The following SDHD variants were observed in gnomAD, a reference collection of about 807,000 sequenced individuals.
The protein encoded by SDHD is succinate dehydrogenase [ubiquinone] cytochrome b small subunit, mitochondrial.
A neutral mutation model predicts 18.7 loss-of-function variants in SDHD; 6 were observed. That is an observed-to-expected ratio of 0.32 (90% CI 0.18 to 0.63). The LOEUF (loss-of-function observed/expected upper bound fraction) is 0.63. Ranked by LOEUF, SDHD falls within the 30% of genes least tolerant of loss-of-function variation. SDHD has a pLI of 0.79. For missense variants in SDHD, 160 were observed against 192.7 expected, an observed-to-expected ratio of 0.83 and a Z score of 1.00; for synonymous variants, 56 against 73.9, an observed-to-expected ratio of 0.76 and a Z score of 1.24.
At chr11:112,087,020 A>C in intron 1 of SDHD, 61 bp downstream of exon 1, 1 of 1,577,536 alleles carries the variant, frequency 6.3e-7, no homozygotes, top group South Asian at 1.1e-5. Context: ...AGGGGATGGA[A>C]GTGAGGACTC....
intron 3 of SDHD, among the ~76,000 whole-genome samples, chr11:112,092,015 C>T (rs1230364635): frequency 1.3e-5 from 2 of 152,156 alleles, no homozygotes; most frequent in African/African-American, 4.8e-5. Flanking sequence ...TTGTAGTGAG[C>T]CAAGATCGTG....
intron 3 of SDHD, among the ~76,000 whole-genome samples, chr11:112,092,134 C>T (rs1836909654): frequency 1.3e-5 from 2 of 152,146 alleles, no homozygotes; most frequent in South Asian, 4.2e-4. Context: ...ATACCTAATG[C>T]ACGCGGAGCT....
chr11:112,087,828 T>C (rs1865649091), intron 1 of SDHD, 29 bp from the exon 2 acceptor site: 1 of 1,449,780 alleles, frequency 6.9e-7, no homozygotes, highest in Admixed American at 1.7e-5. Flanking sequence ...GAGAGGTTCT[T>C]ATGATCATCC....
intron 3 of SDHD, among the ~76,000 whole-genome samples, chr11:112,090,571 A>G (rs1865725609): frequency 6.6e-6 from 1 of 152,110 alleles, no homozygotes; most frequent in Non-Finnish European, 1.5e-5. Flanking sequence ...CCACTTTCGG[A>G]TTGTTGAAAC....
intron 3 of SDHD, chr11:112,091,039 A>G (rs1865736402): frequency 1.1e-6 from 1 of 888,468 alleles, no homozygotes; most frequent in African/African-American, 1.8e-5. Context: ...TGGTTAGGAG[A>G]ATGAGTTGTT....
At position 112,094,846 on chromosome 11, in the gene SDHD, C is replaced by T. The variant is rs758784300; in HGVS notation, c.356C>T (p.Ala119Val). ...GTTACTGACTATGTTCATGGGGATG[C>T]CTTGCAGAAAGCTGCCAAGGCAGGG... is the stretch of plus-strand genomic sequence containing the variant. ...QVVTDYVHGD[A>V]LQKAAKAGLL... The change falls in exon 4 of 4, where the codon GCC becomes GTC. Residue 119 changes from alanine (A) to valine (V), a missense_variant. Ala to Val is a moderately conservative substitution (Grantham distance 64, BLOSUM62 0). Coordinates refer to ENST00000375549, the MANE Select transcript of SDHD (RefSeq NM_003002.4). 2 of 1,611,994 alleles carry T rather than the reference C, an allele frequency of 1.2e-6. No homozygotes were observed. Among genetic ancestry groups the T allele is most frequent in the Middle Eastern group, 2.3e-4 (1 of 4,430 alleles).
intron 2 of SDHD, 187 bp downstream of exon 2, chr11:112,088,160 T>C (rs1424606562): frequency 7.4e-6 from 5 of 678,576 alleles, no homozygotes; most frequent in Middle Eastern, 5.4e-4. Flanking sequence ...TTTATAATCA[T>C]AGAAGACCTT....
At chr11:112,092,425 A>C (rs1213693901) in intron 3 of SDHD, among the ~76,000 whole-genome samples, 1 of 152,168 alleles carries the variant, frequency 6.6e-6, no homozygotes, top group Admixed American at 6.5e-5. Context: ...CACTCTGTTC[A>C]TTCATCACAC....
intron 3 of SDHD, among the ~76,000 whole-genome samples, chr11:112,092,824 A>G (rs1407895776): frequency 6.6e-6 from 1 of 152,220 alleles, no homozygotes; most frequent in Non-Finnish European, 1.5e-5. Context: ...AGGAATGATC[A>G]TAGCAGCATT....
chr11:112,088,927 T>C lies in SDHD; in HGVS notation c.230T>C (p.Leu77Pro), dbSNP rs777963699. 1.9e-6 allele frequency: 3 copies of C among 1,613,542 alleles called. No individual in the cohort carries two copies. Among genetic ancestry groups the C allele is most frequent in the Non-Finnish European group, 2.5e-6 (3 of 1,179,988 alleles). ...TSERVVSVLL[L>P]GLLPAAYLNP... The stretch of plus-strand genomic sequence containing the variant: ...GAGAGGGTTGTCAGTGTTTTGCTCC[T>C]GGGTCTGCTTCCGGCTGCTTATTTG... The change falls in exon 3 of 4, where the codon CTG becomes CCG. Residue 77 changes from leucine (L) to proline (P), a missense_variant. Leu to Pro is a moderately conservative substitution (Grantham distance 98, BLOSUM62 -3). Coordinates refer to ENST00000375549, the MANE Select transcript of SDHD (RefSeq NM_003002.4).
chr11:112,093,160 G>A lies in SDHD; in HGVS notation c.315-1645G>A, dbSNP rs747677103. The A allele has an allele frequency of 1.9e-4, 71 of 381,978 alleles. 1 individual carries two copies. Among genetic ancestry groups the A allele is most frequent in the South Asian group, 1.1e-3 (61 of 56,022 alleles). 23.7% of individuals were successfully genotyped at this position (381,978 alleles called of 1,614,324 possible). A position where few individuals can be genotyped will look rare whatever the true frequency, so the allele number is the denominator to read the frequency against. Reference sequence around the variant, plus strand: ...CAGCTTACTGCAACCTCCGCCTTTCGGGTTCAAGCGATTCTCCTGCCTCAG... The same window carrying A: ...CAGCTTACTGCAACCTCCGCCTTTCAGGTTCAAGCGATTCTCCTGCCTCAG... On this transcript the variant is annotated intron_variant, in intron 3 of 3. Coordinates refer to ENST00000375549, the MANE Select transcript of SDHD (RefSeq NM_003002.4).
At chr11:112,094,784 T>C (rs775779001) in intron 3 of SDHD, 21 bp from the exon 4 acceptor site, 47 of 1,607,596 alleles carry the variant, frequency 2.9e-5, no homozygotes, top group Non-Finnish European at 3.8e-5. Context: ...ATTGATGTTA[T>C]GATTTTTTCT....
chr11:112,087,486 G>A (rs1865638220), intron 1 of SDHD, among the ~76,000 whole-genome samples: 2 of 152,194 alleles, frequency 1.3e-5, no homozygotes, highest in Non-Finnish European at 2.9e-5. Context: ...CACTGTCATA[G>A]TAGTCCGGGC....
At chr11:112,091,463 T>A (rs1865744764) in intron 3 of SDHD, among the ~76,000 whole-genome samples, 1 of 152,200 alleles carries the variant, frequency 6.6e-6, no homozygotes, top group African/African-American at 2.4e-5. Flanking sequence ...TGACAAAATC[T>A]CCAGGGCTGA....
At position 112,095,034 on chromosome 11, in the gene SDHD, T is replaced by C; in HGVS notation, c.*64T>C. ...TCTTTGCCTCTGCTTTGTCATGCCA[T>C]TAAGCTCACAATAAGGAAGAAATAA... On this transcript the variant is annotated 3_prime_UTR_variant, in exon 4 of 4. Coordinates refer to ENST00000375549, the MANE Select transcript of SDHD (RefSeq NM_003002.4). 7.6e-7 allele frequency: 1 copy of C among 1,316,572 alleles called. No homozygotes were observed. The allele number at this position is 1,316,572 out of a possible 1,614,324, so 81.6% of individuals were successfully genotyped here. A position where few individuals can be genotyped will look rare whatever the true frequency, so the allele number is the denominator to read the frequency against.
At chr11:112,092,462 G>A (rs565829176) in intron 3 of SDHD, among the ~76,000 whole-genome samples, 8 of 152,154 alleles carry the variant, frequency 5.3e-5, no homozygotes, top group African/African-American at 9.6e-5. Flanking sequence ...TTTTTAAAAC[G>A]TAAAATTATA....
intron 1 of SDHD, among the ~76,000 whole-genome samples, chr11:112,087,551 A>G (rs1185076076): frequency 6.6e-6 from 1 of 152,200 alleles, no homozygotes; most frequent in Non-Finnish European, 1.5e-5. Context: ...TTGTCTCAAG[A>G]ACTGTTAAAG....
intron 1 of SDHD, among the ~76,000 whole-genome samples, chr11:112,087,463 C>G (rs1297972363): frequency 6.6e-6 from 1 of 152,220 alleles, no homozygotes; most frequent in South Asian, 2.1e-4. Flanking sequence ...AGCTTTCATT[C>G]TGATGAGGAA....
intron 3 of SDHD, 40 bp downstream of exon 3, chr11:112,089,051 T>A: frequency 1.2e-6 from 2 of 1,611,626 alleles, no homozygotes; most frequent in East Asian, 2.2e-5. Context: ...CTGCTCAGTT[T>A]GTTTGCTGTG....
Sources: gnomAD v4.1 joint callset for allele counts (sites outside exome capture counted in the v4.1 genomes callset) on GRCh38, gnomAD v4.1.1 for gene constraint, MANE v1.5 for transcripts, NCBI Gene and HGNC (gene_info 2026-07-23, HGNC 2026-07-21) for gene names.